Variants in ASPRV1 observed in about 807,000 individuals in gnomAD.
The protein encoded by ASPRV1 is aspartic peptidase retroviral like 1.
In ASPRV1, 7 loss-of-function variants were observed where a neutral mutation model predicts 11.0. The observed-to-expected ratio is 0.64, with a 90% CI of 0.36 to 1.20. The LOEUF (loss-of-function observed/expected upper bound fraction) is 1.20. ASPRV1 is among the 50% of genes most tolerant of loss of function. The probability of loss-of-function intolerance (pLI) is 0.02; values close to 1 mark genes in which losing one functional copy is unlikely to be tolerated. For missense variants in ASPRV1, 299 were observed against 320.0 expected, an observed-to-expected ratio of 0.93 and a Z score of 0.50; for synonymous variants, 136 against 138.4, an observed-to-expected ratio of 0.98 and a Z score of 0.12.
chr2:69,986,022 A>G, the ASPRV1 span, among the ~76,000 whole-genome samples: 2 of 152,230 alleles, frequency 1.3e-5, no homozygotes, highest in Non-Finnish European at 2.9e-5. Flanking sequence ...GCAGTAATAA[A>G]AACTCACTGT....
At chr2:69,944,665 C>T in the ASPRV1 span, among the ~76,000 whole-genome samples, 6 of 148,502 alleles carry the variant, frequency 4.0e-5, no homozygotes, top group East Asian at 6.0e-4. Flanking sequence ...AGCCTTTGAA[C>T]GAGGCTACCT....
the ASPRV1 span, among the ~76,000 whole-genome samples, chr2:70,020,275 G>A: frequency 2.0e-5 from 3 of 152,228 alleles, no homozygotes; most frequent in African/African-American, 4.8e-5. Flanking sequence ...GAGTCCTGAA[G>A]AGGTTATTTA....
At chr2:69,984,937 A>T in the ASPRV1 span, among the ~76,000 whole-genome samples, 1 of 151,372 alleles carries the variant, frequency 6.6e-6, no homozygotes, top group Non-Finnish European at 1.5e-5. Context: ...GCTCACTGCA[A>T]GCTCTGTCTC....
At chr2:70,019,872 T>C in the ASPRV1 span, among the ~76,000 whole-genome samples, 1 of 152,158 alleles carries the variant, frequency 6.6e-6, no homozygotes, top group Non-Finnish European at 1.5e-5. Flanking sequence ...TAACAATATA[T>C]TGTATATTTG....
chr2:70,041,703 C>A, the ASPRV1 span, among the ~76,000 whole-genome samples: 1 of 152,190 alleles, frequency 6.6e-6, no homozygotes, highest in Non-Finnish European at 1.5e-5. Context: ...TAGAGAAATT[C>A]TGAGAGGTCC....
chr2:70,020,698 T>C, the ASPRV1 span, among the ~76,000 whole-genome samples: 2 of 152,168 alleles, frequency 1.3e-5, no homozygotes, highest in East Asian at 3.9e-4. Flanking sequence ...GCTGAGATCA[T>C]GCCATTGCAC....
chr2:70,082,625 G>A, the ASPRV1 span, among the ~76,000 whole-genome samples: 3 of 151,940 alleles, frequency 2.0e-5, no homozygotes, highest in Non-Finnish European at 2.9e-5. Context: ...CAGGAGAATC[G>A]CTTGAACCTG....
the ASPRV1 span, chr2:70,018,954 A>C: frequency 1.3e-5 from 2 of 152,190 alleles, no homozygotes; most frequent in South Asian, 2.1e-4. Context: ...TAAAGGAAAC[A>C]ATACAGTGAA....
At chr2:69,954,684 C>T in the ASPRV1 span, among the ~76,000 whole-genome samples, 18 of 152,216 alleles carry the variant, frequency 1.2e-4, no homozygotes, top group South Asian at 2.1e-4. Context: ...CAAATATTCC[C>T]GGGAAACATC....
the ASPRV1 span, among the ~76,000 whole-genome samples, chr2:70,011,068 G>A: frequency 2.0e-5 from 3 of 152,074 alleles, no homozygotes; most frequent in African/African-American, 7.2e-5. Flanking sequence ...GAGAACTCAT[G>A]AACACAGAGG....
chr2:70,075,846 T>A, the ASPRV1 span, among the ~76,000 whole-genome samples: 1 of 151,068 alleles, frequency 6.6e-6, no homozygotes, highest in Non-Finnish European at 1.5e-5. Context: ...CAAAACTCCG[T>A]CTCAAAGAAA....
At chr2:70,027,755 A>C in the ASPRV1 span, among the ~76,000 whole-genome samples, 2 of 152,204 alleles carry the variant, frequency 1.3e-5, no homozygotes, top group Non-Finnish European at 2.9e-5. Flanking sequence ...AGATAAAAGG[A>C]ATAAGTTCTA....
At chr2:70,083,860 C>G in the ASPRV1 span, among the ~76,000 whole-genome samples, 1 of 152,084 alleles carries the variant, frequency 6.6e-6, no homozygotes, top group East Asian at 1.9e-4. Flanking sequence ...GAACTGAAAC[C>G]CTGACAGATG....
the ASPRV1 span, among the ~76,000 whole-genome samples, chr2:70,060,642 G>A: frequency 3.3e-5 from 5 of 151,580 alleles, no homozygotes; most frequent in Non-Finnish European, 5.9e-5. Context: ...GTGAAACCCC[G>A]TCTCTACTAA....
At chr2:70,081,884 C>G in the ASPRV1 span, among the ~76,000 whole-genome samples, 1 of 151,730 alleles carries the variant, frequency 6.6e-6, no homozygotes, top group Admixed American at 6.6e-5. Context: ...CGTGCCCAGA[C>G]TACTATTACT....
the ASPRV1 span, among the ~76,000 whole-genome samples, chr2:70,074,847 T>C: frequency 1.3e-5 from 2 of 150,918 alleles, no homozygotes; most frequent in East Asian, 4.2e-4. Context: ...CCAGGCGCAG[T>C]GGCTCACGCC....
the ASPRV1 span, among the ~76,000 whole-genome samples, chr2:70,008,637 GTTTT>G: frequency 1.4e-5 from 2 of 143,270 alleles, no homozygotes; most frequent in Middle Eastern, 3.6e-3. Context: ...GTTTTTGTGT[GTTTT>G]TTTTTTTTTA....
chr2:70,017,952 C>G, the ASPRV1 span: 1 of 151,894 alleles, frequency 6.6e-6, no homozygotes, highest in Non-Finnish European at 1.5e-5. Context: ...CCACACTGGG[C>G]AACATGGTGA....
chr2:70,054,691 G>A, the ASPRV1 span, among the ~76,000 whole-genome samples: 1 of 152,178 alleles, frequency 6.6e-6, no homozygotes, highest in Non-Finnish European at 1.5e-5. Context: ...AGTGGGTAAA[G>A]TAAGACAAAC....
Sources: gnomAD v4.1 joint callset for allele counts (sites outside exome capture counted in the v4.1 genomes callset) on GRCh38, gnomAD v4.1.1 for gene constraint, MANE v1.5 for transcripts, NCBI Gene and HGNC (gene_info 2026-07-23, HGNC 2026-07-21) for gene names.